Variants in DIABLO observed in about 807,000 individuals in gnomAD.
DIABLO encodes the protein diablo homolog, mitochondrial.
DIABLO carries 32 observed loss-of-function variants against 31.7 expected under a neutral mutation model. The ratio of observed to expected loss-of-function variants is 1.01; its 90% CI spans 0.76 to 1.35. The LOEUF (loss-of-function observed/expected upper bound fraction) is 1.35. DIABLO is among the 40% of genes most tolerant of loss of function. DIABLO has a pLI of 0.00. For missense variants in DIABLO, 316 were observed against 286.4 expected (o/e 1.10, Z -0.75); for synonymous variants, 132 against 103.2 (o/e 1.28, Z -1.69).
chr12:122,225,795 C>T, intron 1 of DIABLO, 170 bp downstream of exon 1: 1 of 1,460,674 alleles, frequency 6.8e-7, no homozygotes, highest in Non-Finnish European at 9.0e-7. Context: ...ACCCAGGGGG[C>T]GGAGGCGGGG....
intron 2 of DIABLO, among the ~76,000 whole-genome samples, chr12:122,223,433 T>TAAAA (rs34214105): frequency 7.1e-6 from 1 of 139,996 alleles, no homozygotes; most frequent in East Asian, 2.1e-4. Context: ...ACTCTGTCTT[T>TAAAA]AAAAAAAAAA....
At chr12:122,213,958 G>A (rs572421173) in intron 5 of DIABLO, among the ~76,000 whole-genome samples, 4 of 152,036 alleles carry the variant, frequency 2.6e-5, no homozygotes, top group Admixed American at 6.6e-5. Flanking sequence ...GGTGGCAGGC[G>A]CTTCCAAGCC....
intron 1 of DIABLO, chr12:122,225,312 G>A: frequency 1.3e-6 from 1 of 766,634 alleles, no homozygotes; most frequent in Non-Finnish European, 1.6e-6. Flanking sequence ...GCTTGAAGCC[G>A]GGAGGCACAG....
At chr12:122,211,896 A>C (rs1954097064) in intron 5 of DIABLO, among the ~76,000 whole-genome samples, 1 of 151,820 alleles carries the variant, frequency 6.6e-6, no homozygotes, top group Non-Finnish European at 1.5e-5. Context: ...GAATTCTTTG[A>C]TTTAGCTAGT....
Position 122,225,964 on chromosome 12 carries a change from CCT to C in DIABLO, c.49_50del (p.Arg17ValfsTer12). 1 of 1,595,084 alleles carries C rather than the reference CCT, an allele frequency of 6.3e-7. No individual in the cohort carries two copies. Among genetic ancestry groups the C allele is most frequent in the Non-Finnish European group, 8.5e-7 (1 of 1,171,484 alleles). On this transcript the variant is annotated frameshift_variant and splice_region_variant, in exon 1 of 6. Transcript: ENST00000464942. LOFTEE classifies it high-confidence loss of function. The stretch of plus-strand genomic sequence containing the variant: ...TCCCCTCTACGCGGCCGCAGCGGTA[CCT>C]GAAGAATGAAGTTACGCTGCGCGAC... ...WLSRSVTSFF[R>X]YRQCLCVPVV...
rs1055629881 is a variant in DIABLO, at chr12:122,207,947, G to A, written c.*434C>T. Reference sequence around the variant, plus strand: ...ACAAAGAAATCGTACAAACTGGACAGGTTCCCCTCCCCCTGCCACAACTGG... The same window carrying A: ...ACAAAGAAATCGTACAAACTGGACAAGTTCCCCTCCCCCTGCCACAACTGG... On this transcript the variant is annotated 3_prime_UTR_variant, in exon 6 of 6. Transcript: ENST00000464942. 4 of 464,230 alleles carry A rather than the reference G, an allele frequency of 8.6e-6. No individual in the cohort carries two copies. The highest frequency in any genetic ancestry group is 2.0e-5 in the African/African-American group (1 of 50,456). 28.8% of individuals were successfully genotyped at this position (464,230 alleles called of 1,614,324 possible).
chr12:122,226,060 CT>C, upstream of DIABLO: 1 of 1,580,450 alleles, frequency 6.3e-7, no homozygotes, highest in East Asian at 2.3e-5. Context: ...AGTGACGCAG[CT>C]TCGTGAGCGC....
chr12:122,225,717 G>A (rs1217906955), intron 1 of DIABLO: 4 of 1,421,132 alleles, frequency 2.8e-6, no homozygotes, highest in South Asian at 3.0e-5. Flanking sequence ...GCAGCCCCAA[G>A]AAGGCAGCCC....
intron 5 of DIABLO, among the ~76,000 whole-genome samples, chr12:122,215,588 GAACAA>G (rs1240153648): frequency 6.6e-6 from 1 of 152,036 alleles, no homozygotes; most frequent in African/African-American, 2.4e-5. Flanking sequence ...TGGGTGACAG[GAACAA>G]AACTCCATTA....
intron 5 of DIABLO, among the ~76,000 whole-genome samples, chr12:122,210,526 CCAT>C (rs1298362636): frequency 2.0e-5 from 3 of 151,932 alleles, no homozygotes; most frequent in East Asian, 1.9e-4. Flanking sequence ...GTGCCCACCA[CCAT>C]GCCTAATTTA....
chr12:122,224,278 C>T (rs560192552), intron 2 of DIABLO, among the ~76,000 whole-genome samples: 1 of 152,144 alleles, frequency 6.6e-6, no homozygotes, highest in African/African-American at 2.4e-5. Context: ...ACTGTAATAT[C>T]CTCTTATTTC....
At chr12:122,225,689 G>A (rs1214459606) in intron 1 of DIABLO, 4 of 1,396,786 alleles carry the variant, frequency 2.9e-6, no homozygotes, top group Non-Finnish European at 3.7e-6. Context: ...GGCTGACGAG[G>A]GCTGGTCAGG....
At chr12:122,211,077 T>TAAAAAAAAAAAAAAAAA (rs1156571584) in intron 5 of DIABLO, among the ~76,000 whole-genome samples, 1 of 14,344 alleles carries the variant, frequency 7.0e-5, no homozygotes, top group African/African-American at 2.4e-4. Flanking sequence ...TAGTTAAAAG[T>TAAAAAAAAAAAAAAAAA]AAAAAAAAAA....
At chr12:122,224,813 T>C in intron 1 of DIABLO, 169 bp from the exon 2 acceptor site, 1 of 1,528,242 alleles carries the variant, frequency 6.5e-7, no homozygotes, top group Non-Finnish European at 8.8e-7. Context: ...GTTTAAAATG[T>C]TGCCTCAGGC....
chr12:122,216,663 A>G (rs1954218979), intron 4 of DIABLO, 79 bp from the exon 5 acceptor site: 39 of 1,552,316 alleles, frequency 2.5e-5, no homozygotes, highest in Non-Finnish European at 3.2e-5. Context: ...GTAGATTTAG[A>G]GAACACTGAT....
chr12:122,219,517 A>AT (rs1954288798), intron 2 of DIABLO, among the ~76,000 whole-genome samples: 1 of 152,056 alleles, frequency 6.6e-6, no homozygotes. Context: ...GTTGAGTGCT[A>AT]ATAGCTTAGA....
chr12:122,208,260 G>T lies in DIABLO; in HGVS notation c.*121C>A. 2.5e-6 allele frequency: 3 copies of T among 1,185,742 alleles called. No homozygotes were observed. Among genetic ancestry groups the T allele is most frequent in the Non-Finnish European group, 3.7e-6 (3 of 815,640 alleles). 73.5% of individuals were successfully genotyped at this position (1,185,742 alleles called of 1,614,324 possible). A position where few individuals can be genotyped will look rare whatever the true frequency, so the allele number is the denominator to read the frequency against. ...GCTCACAAAGGCGTCTCGCCTGATT[G>T]GCCAGGGCAGGATCTGCCGCCTCTT... On this transcript the variant is annotated 3_prime_UTR_variant, in exon 6 of 6. Coordinates refer to ENST00000464942, the MANE Select transcript of DIABLO (RefSeq NM_001371333.1).
chr12:122,212,628 T>TA (rs779143878), intron 5 of DIABLO, among the ~76,000 whole-genome samples: 1 of 122,802 alleles, frequency 8.1e-6, no homozygotes, highest in Non-Finnish European at 1.6e-5. Flanking sequence ...TTTATTTATT[T>TA]TTGTTTTTTT....
chr12:122,210,939 CT>C (rs1427818960), intron 5 of DIABLO, among the ~76,000 whole-genome samples: 3 of 151,608 alleles, frequency 2.0e-5, no homozygotes, highest in African/African-American at 7.3e-5. Flanking sequence ...ACTGGGGAGG[CT>C]AAAGTGGGGA....
Sources: gnomAD v4.1 joint callset for allele counts (sites outside exome capture counted in the v4.1 genomes callset) on GRCh38, gnomAD v4.1.1 for gene constraint, MANE v1.5 for transcripts, NCBI Gene and HGNC (gene_info 2026-07-23, HGNC 2026-07-21) for gene names.